Variants in SNORC observed in about 807,000 individuals in gnomAD.
The protein encoded by SNORC is secondary ossification center associated regulator of chondrocyte maturation.
Under a neutral mutation model 9.7 loss-of-function variants are expected in SNORC, and 11 were observed. The ratio of observed to expected loss-of-function variants is 1.14; its 90% CI spans 0.72 to 1.88. SNORC has a LOEUF of 1.88. SNORC is among the 40% of genes most tolerant of loss of function. The pLI is 0.00. For synonymous variants in SNORC, 108 were observed against 88.7 expected, an observed-to-expected ratio of 1.22 and a Z score of -1.22; for missense variants, 197 against 173.1, an observed-to-expected ratio of 1.14 and a Z score of -0.77.
intron 1 of SNORC, 86 bp from the exon 2 acceptor site, chr2:232,875,854 G>T: frequency 7.3e-7 from 1 of 1,378,974 alleles, no homozygotes; most frequent in Non-Finnish European, 9.7e-7. Flanking sequence ...CAGCGCTACC[G>T]GCAACTTGCT....
At chr2:232,876,845 C>A, downstream of SNORC, 2 of 985,624 alleles carry the variant, frequency 2.0e-6, no homozygotes, top group Non-Finnish European at 2.4e-6. This position sits in a 1 kb window ranked among gnomAD's most constrained non-coding sequence, Gnocchi z 6.8. Context: ...TGCCTGGGCG[C>A]GGGCCGAGGC....
intron 1 of SNORC, among the ~76,000 whole-genome samples, chr2:232,870,746 G>T (rs1357201059): frequency 6.6e-6 from 1 of 152,122 alleles, no homozygotes; most frequent in Non-Finnish European, 1.5e-5. Context: ...CTGGGAGGCA[G>T]CTGGGGCACC....
chr2:232,875,906 C>A (rs1160827152), intron 1 of SNORC, 34 bp from the exon 2 acceptor site: 1 of 1,523,008 alleles, frequency 6.6e-7, no homozygotes, highest in Non-Finnish European at 8.8e-7. Context: ...GGCCCCGTCA[C>A]CTGGGGCCCC....
chr2:232,877,257 CT>C (rs529936206), downstream of SNORC: 93 of 985,474 alleles, frequency 9.4e-5, no homozygotes, highest in South Asian at 3.4e-3. Context: ...GAGAAAACGG[CT>C]TTCCCAGCTC....
At chr2:232,876,667 C>T (rs1352034432), downstream of SNORC, 2 of 1,007,362 alleles carry the variant, frequency 2.0e-6, no homozygotes, top group South Asian at 4.6e-5. The surrounding 1 kb of genome is among the most constrained non-coding windows in gnomAD (Gnocchi z 6.8). Context: ...CCGTGCACCA[C>T]GGCTGGAGTG....
chr2:232,876,503 G>A (rs1691252437), downstream of SNORC: 1 of 1,284,110 alleles, frequency 7.8e-7, no homozygotes, highest in African/African-American at 1.6e-5. This position sits in a 1 kb window ranked among gnomAD's most constrained non-coding sequence, Gnocchi z 6.8. Context: ...GTGCGCGCGG[G>A]GCCGAGGGTG....
chr2:232,875,782 C>T, intron 1 of SNORC, 158 bp from the exon 2 acceptor site: 1 of 799,932 alleles, frequency 1.3e-6, no homozygotes, highest in Non-Finnish European at 1.9e-6. Flanking sequence ...AACGCACTGG[C>T]TTCAGCTTCT....
upstream of SNORC, among the ~76,000 whole-genome samples, chr2:232,870,067 AAGAG>A (rs992827448): frequency 1.2e-4 from 18 of 151,848 alleles, no homozygotes; most frequent in East Asian, 3.9e-4. Context: ...GGGGTGGAGA[AAGAG>A]AGAGAGCACA....
chr2:232,877,051 A>C (rs1480947605), downstream of SNORC: 1 of 985,256 alleles, frequency 1.0e-6, no homozygotes, highest in Non-Finnish European at 1.2e-6. Context: ...GGACGTCTTG[A>C]CTCTGAGTCC....
chr2:232,871,002 A>G (rs1691006854), intron 1 of SNORC, among the ~76,000 whole-genome samples: 1 of 152,170 alleles, frequency 6.6e-6, no homozygotes, highest in Non-Finnish European at 1.5e-5. Flanking sequence ...GGCCTCTGGC[A>G]GGCTCCCAAG....
chr2:232,875,578 A>ATCATGCAGGCGTC, intron 1 of SNORC: 1 of 387,540 alleles, frequency 2.6e-6, no homozygotes, highest in South Asian at 2.4e-5. Flanking sequence ...GGCGGGGGTT[A>ATCATGCAGGCGTC]TCATGCAGGC....
chr2:232,867,351 G>T (rs1475020165), upstream of SNORC, among the ~76,000 whole-genome samples: 1 of 152,120 alleles, frequency 6.6e-6, no homozygotes, highest in Non-Finnish European at 1.5e-5. Context: ...CTAAACTAGA[G>T]TTCTATATGT....
chr2:232,873,366 G>A (rs955524277), intron 1 of SNORC, among the ~76,000 whole-genome samples: 4 of 151,916 alleles, frequency 2.6e-5, no homozygotes, highest in African/African-American at 9.7e-5. Flanking sequence ...TGGGTCACGG[G>A]GGACAGATGG....
chr2:232,876,959 C>A, downstream of SNORC: 1 of 985,484 alleles, frequency 1.0e-6, no homozygotes, highest in East Asian at 1.1e-4. This position sits in a 1 kb window ranked among gnomAD's most constrained non-coding sequence, Gnocchi z 6.8. Flanking sequence ...ACAGAGACCC[C>A]GGGGCCCGCC....
chr2:232,876,456 G>C, downstream of SNORC: 1 of 1,383,200 alleles, frequency 7.2e-7, no homozygotes, highest in South Asian at 1.6e-5. The surrounding 1 kb of genome is among the most constrained non-coding windows in gnomAD (Gnocchi z 6.8). Flanking sequence ...AGGTGTGCCA[G>C]AGCGTGAGCG....
In SNORC at chr2:232,876,327, G is replaced by T; in HGVS notation, c.337G>T (p.Val113Phe). 1 of 1,547,030 alleles carries T rather than the reference G, an allele frequency of 6.5e-7. No homozygotes were observed. Among genetic ancestry groups the T allele is most frequent in the Non-Finnish European group, 8.7e-7 (1 of 1,150,218 alleles). Residue 113 changes from valine to phenylalanine, a missense_variant, in exon 3 of 3, where the codon GTC (valine) becomes TTC (phenylalanine). Transcript: ENST00000331342. The surrounding 1 kb of genome is among the most constrained non-coding windows in gnomAD (Gnocchi z 6.8). ...CTGCGTGGTGCTGGCGCTCGTGGTC[G>T]TCGCGCTGAGAAAGTTTTCTGCCTC... is the stretch of plus-strand genomic sequence containing the variant.
Position 232,876,073 on chromosome 2 carries a change from G to C in SNORC, c.207G>C (p.Ala69=), listed in dbSNP as rs768482109. The change falls in exon 2 of 3, where the codon GCG becomes GCC. Residue 69 remains alanine, a synonymous_variant. Coordinates refer to ENST00000331342, the Ensembl canonical transcript of SNORC. The surrounding 1 kb of genome is among the most constrained non-coding windows in gnomAD (Gnocchi z 6.8). ...CCGGTCCCCCAGCCCCCACCGTCGC[G>C]CCAGGACCCGAGGACAGCACCGCGC... The C allele has an allele frequency of 3.1e-4, 476 of 1,527,464 alleles. 1 individual carries two copies. The highest frequency in any genetic ancestry group is 4.0e-4 in the Non-Finnish European group (455 of 1,141,470). The allele number at this position is 1,527,464 out of a possible 1,614,324, so 94.6% of individuals were successfully genotyped here.
At chr2:232,866,903 T>A (rs1286755466), upstream of SNORC, among the ~76,000 whole-genome samples, 2 of 152,138 alleles carry the variant, frequency 1.3e-5, no homozygotes, top group Non-Finnish European at 2.9e-5. Flanking sequence ...TAGTAGAGAC[T>A]ATTATAAAGA....
rs1375728441 is a variant in SNORC at position 232,870,431 on chromosome 2, C to G, written c.73+17C>G. The G allele has an allele frequency of 6.4e-7, 1 of 1,559,992 alleles. No homozygotes were observed. The highest frequency in any genetic ancestry group is 8.7e-7 in the Non-Finnish European group (1 of 1,151,778). ...TGCTCACAGGTAAGAGGTGAAGGCC[C>G]TTGTCTCAGCCACCACTAGCCTCCC... is the stretch of plus-strand genomic sequence containing the variant. On this transcript the variant is annotated intron_variant, in intron 1 of 2. Coordinates refer to ENST00000331342, the Ensembl canonical transcript of SNORC.
Sources: allele counts gnomAD v4.1 joint callset (sites outside exome capture counted in the v4.1 genomes callset), GRCh38; gene constraint gnomAD v4.1.1; non-coding constraint Gnocchi (gnomAD v3.1); transcripts MANE v1.5; gene names NCBI Gene and HGNC (gene_info 2026-07-23, HGNC 2026-07-21).